Variants in SUPT3H observed in about 807,000 individuals in gnomAD.
SUPT3H encodes the protein SPT3 homolog, SAGA and STAGA complex component.
Under a neutral mutation model 44.3 loss-of-function variants are expected in SUPT3H, and 44 were observed. The observed-to-expected ratio is 0.99, with a 90% CI of 0.78 to 1.28. SUPT3H has a LOEUF of 1.28. Ranked by LOEUF, SUPT3H falls within the 50% of genes most tolerant of loss-of-function variation. SUPT3H has a pLI of 0.00. For missense variants in SUPT3H, 380 were observed against 387.1 expected, an observed-to-expected ratio of 0.98 and a Z score of 0.15; for synonymous variants, 124 against 125.6, an observed-to-expected ratio of 0.99 and a Z score of 0.09.
At chr6:45,282,158 G>A (rs996127637) in intron 2 of SUPT3H, among the ~76,000 whole-genome samples, 1 of 152,104 alleles carries the variant, frequency 6.6e-6, no homozygotes, top group South Asian at 2.1e-4. Flanking sequence ...CAGAAAAACT[G>A]GAAATTCTAA....
rs527526679 is a variant in SUPT3H, at chr6:44,898,895, C to G, written c.912+33758G>C. 3 of 152,398 alleles carry G rather than the reference C, an allele frequency of 2.0e-5. No homozygotes were observed. The Middle Eastern group carries it at 0.01, about 515-fold the overall frequency. The allele number at this position is 152,398 out of a possible 1,614,324, so 9.4% of individuals were successfully genotyped here. A position where few individuals can be genotyped will look rare whatever the true frequency, so the allele number is the denominator to read the frequency against. ...GTGGTGAGCTGTCAGTGGTCATTGA[C>G]ATCAGAGGCAACTGACAGTTTTTTT... is the stretch of plus-strand genomic sequence containing the variant. On this transcript the variant is annotated intron_variant, in intron 10 of 10. Transcript: ENST00000371459.
intron 2 of SUPT3H, among the ~76,000 whole-genome samples, chr6:45,248,814 C>T (rs1771844865): frequency 6.6e-6 from 1 of 151,596 alleles, no homozygotes; most frequent in Non-Finnish European, 1.5e-5. Context: ...ACTTGGGAGG[C>T]TGAGGCAGGG....
chr6:45,109,984 G>A (rs561711353), intron 2 of SUPT3H, among the ~76,000 whole-genome samples: 1 of 152,064 alleles, frequency 6.6e-6, no homozygotes, highest in Admixed American at 6.5e-5. Context: ...CCTGACTACC[G>A]TCCACTAAAG....
chr6:45,247,523 A>T (rs541885006), intron 2 of SUPT3H, among the ~76,000 whole-genome samples: 5 of 152,228 alleles, frequency 3.3e-5, no homozygotes, highest in Non-Finnish European at 5.9e-5. Flanking sequence ...AACCCTTAAT[A>T]AAAAAACTCT....
chr6:45,258,045 G>C (rs1380558322), intron 2 of SUPT3H, among the ~76,000 whole-genome samples: 1 of 152,080 alleles, frequency 6.6e-6, no homozygotes, highest in Admixed American at 6.5e-5. Flanking sequence ...AGCATTCCTA[G>C]GCATGATGTT....
intron 2 of SUPT3H, among the ~76,000 whole-genome samples, chr6:45,169,991 G>A (rs186470187): frequency 6.6e-6 from 1 of 152,128 alleles, no homozygotes. Context: ...ACAGCCCCAG[G>A]GGGTGGGAAT....
At position 45,158,275 on chromosome 6, in the gene SUPT3H, CATATATAT is replaced by C. The variant is rs70996305; in HGVS notation, c.102-52277_102-52270del. On this transcript the variant is annotated intron_variant, in intron 2 of 10. Coordinates refer to ENST00000371459, the MANE Select transcript of SUPT3H (RefSeq NM_003599.4). Reference sequence around the variant, plus strand: ...CCTATATTTTATATATATAAATATACATATATATATATATATATATATATTTTTTTTTT... The same window carrying C: ...CCTATATTTTATATATATAAATATACATATATATATATATATTTTTTTTTT... 2.9e-4 allele frequency among the ~76,000 whole-genome samples: 18 copies of C among 62,164 alleles called. 4 individuals are homozygous for C. Among genetic ancestry groups the C allele is most frequent in the Non-Finnish European group, 4.2e-4 (17 of 40,272 alleles). The allele number at this position is 62,164 out of a possible 152,430, so 40.8% of individuals were successfully genotyped here. A position where few individuals can be genotyped will look rare whatever the true frequency, so the allele number is the denominator to read the frequency against.
intron 2 of SUPT3H, among the ~76,000 whole-genome samples, chr6:45,175,012 T>TAAAAAAAA (rs57838175): frequency 1.1e-4 from 7 of 62,528 alleles, no homozygotes; most frequent in South Asian, 6.9e-4. Context: ...CCCTCGTCAC[T>TAAAAAAAA]AAAAAAAAAA....
At chr6:44,944,762 C>CAAAAAA (rs57506313) in intron 9 of SUPT3H, among the ~76,000 whole-genome samples, 9,720 of 29,192 alleles carry the variant, frequency 0.33, 3,350 homozygotes, top group Non-Finnish European at 0.55. Flanking sequence ...ACCCTCTCTC[C>CAAAAAA]AAAAAAAAAA....
chr6:44,867,912 C>T (rs571477870), intron 10 of SUPT3H, among the ~76,000 whole-genome samples: 10 of 152,014 alleles, frequency 6.6e-5, no homozygotes, highest in Non-Finnish European at 1.5e-4. Context: ...CTTTGATTTT[C>T]CTCCTCCTTC....
intron 2 of SUPT3H, among the ~76,000 whole-genome samples, chr6:45,347,892 T>C (rs763518905): frequency 1.3e-5 from 2 of 152,118 alleles, no homozygotes; most frequent in Non-Finnish European, 2.9e-5. Context: ...TGAAACAGAA[T>C]GTCAGTATGG....
chr6:45,194,555 G>A (rs1815691904), intron 2 of SUPT3H, among the ~76,000 whole-genome samples: 1 of 152,094 alleles, frequency 6.6e-6, no homozygotes, highest in African/African-American at 2.4e-5. Flanking sequence ...TAAATTGGTT[G>A]AAGTAAAAAT....
chr6:45,219,211 A>T (rs2153634534), intron 2 of SUPT3H, among the ~76,000 whole-genome samples: 1 of 152,248 alleles, frequency 6.6e-6, no homozygotes, highest in South Asian at 2.1e-4. Flanking sequence ...AAGCAAATAA[A>T]CCTAAGCAGG....
At chr6:44,830,961 A>C (rs1005594225) in intron 10 of SUPT3H, among the ~76,000 whole-genome samples, 2 of 151,786 alleles carry the variant, frequency 1.3e-5, no homozygotes, top group African/African-American at 4.9e-5. Context: ...CTTCATCTTA[A>C]AAAATAATTA....
intron 9 of SUPT3H, among the ~76,000 whole-genome samples, chr6:44,934,686 G>A (rs1328265521): frequency 6.6e-6 from 1 of 152,216 alleles, no homozygotes; most frequent in Non-Finnish European, 1.5e-5. Flanking sequence ...CTTCTGCCAT[G>A]TGAGGTTTGG....
chr6:45,110,805 C>CTG (rs1290693657), intron 2 of SUPT3H, among the ~76,000 whole-genome samples: 1 of 151,496 alleles, frequency 6.6e-6, no homozygotes, highest in Non-Finnish European at 1.5e-5. Flanking sequence ...GACCTATTCT[C>CTG]CTCACATCTA....
At chr6:45,282,961 C>A (rs1327417631) in intron 2 of SUPT3H, among the ~76,000 whole-genome samples, 3 of 152,112 alleles carry the variant, frequency 2.0e-5, no homozygotes, top group African/African-American at 7.2e-5. Context: ...ATTTTTAACC[C>A]AGAATTTCAT....
chr6:45,268,808 T>C (rs1276586790), intron 2 of SUPT3H, among the ~76,000 whole-genome samples: 1 of 152,174 alleles, frequency 6.6e-6, no homozygotes, highest in East Asian at 1.9e-4. Flanking sequence ...ACCTGACAAA[T>C]TGAATATGGA....
At chr6:45,349,086 T>C (rs957674614) in intron 2 of SUPT3H, among the ~76,000 whole-genome samples, 3 of 152,174 alleles carry the variant, frequency 2.0e-5, no homozygotes, top group African/African-American at 7.2e-5. Flanking sequence ...ATCAGTGGGA[T>C]CCTGATTATA....
Sources: allele counts gnomAD v4.1 joint callset (sites outside exome capture counted in the v4.1 genomes callset), GRCh38; gene constraint gnomAD v4.1.1; transcripts MANE v1.5; gene names NCBI Gene and HGNC (gene_info 2026-07-23, HGNC 2026-07-21).